AGK: variants seen among roughly 807,000 people sequenced by gnomAD.
The protein encoded by AGK is acylglycerol kinase.
AGK carries 52 observed loss-of-function variants against 66.4 expected under a neutral mutation model. The ratio of observed to expected loss-of-function variants is 0.78; its 90% CI spans 0.63 to 0.99. The LOEUF (loss-of-function observed/expected upper bound fraction) is 0.99. Among genes scored for constraint, AGK ranks in the 50% least tolerant of loss-of-function variants. The probability of loss-of-function intolerance (pLI) is 0.00; values close to 1 mark genes in which losing one functional copy is unlikely to be tolerated. For synonymous variants in AGK, 182 were observed against 181.1 expected (o/e 1.00, Z -0.04); for missense variants, 451 against 506.6 (o/e 0.89, Z 1.05).
At chr7:141,648,600 T>C (rs1797473281) in intron 13 of AGK, among the ~76,000 whole-genome samples, 1 of 152,178 alleles carries the variant, frequency 6.6e-6, no homozygotes, top group Non-Finnish European at 1.5e-5. Flanking sequence ...GTGGGATTGA[T>C]TTACAGAGGG....
At chr7:141,608,395 G>A (rs1302786942) in intron 5 of AGK, among the ~76,000 whole-genome samples, 1 of 152,124 alleles carries the variant, frequency 6.6e-6, no homozygotes, top group Non-Finnish European at 1.5e-5. Context: ...ACAGTATCAC[G>A]AGCTGTGATA....
chr7:141,572,443 A>T (rs1795625691), intron 2 of AGK, among the ~76,000 whole-genome samples: 1 of 152,204 alleles, frequency 6.6e-6, no homozygotes, highest in Admixed American at 6.5e-5. Flanking sequence ...CTTACTAGCT[A>T]TGTGGCCTTT....
Position 141,555,539 on chromosome 7 carries a change from G to T in AGK, c.73G>T (p.Gly25Ter). ...AGCTGGGCTCTGCCTGCTGACCTGGGGAGGCCATTGGCTCTATGGAAAACA... is the reference window on the plus strand; with the variant it reads ...AGCTGGGCTCTGCCTGCTGACCTGGTGAGGCCATTGGCTCTATGGAAAACA... ...TTAGLCLLTW[G>*]GHWLYGKHCD... Residue 25 changes from glycine (G) to a stop codon, truncating the protein, a stop_gained, in exon 2 of 16, where the codon GGA (glycine) becomes TGA (stop). Coordinates refer to ENST00000649286, the MANE Select transcript of AGK (RefSeq NM_018238.4). LOFTEE classifies it high-confidence loss of function. This position sits in a 1 kb window ranked among gnomAD's most constrained non-coding sequence, Gnocchi z 4.2. 6.2e-7 allele frequency: 1 copy of T among 1,613,992 alleles called. No individual in the cohort carries two copies. The highest frequency in any genetic ancestry group is 2.2e-5 in the East Asian group (1 of 44,870).
intron 13 of AGK, 97 bp downstream of exon 13, chr7:141,642,005 C>G: frequency 9.0e-7 from 1 of 1,105,394 alleles, no homozygotes; most frequent in Non-Finnish European, 1.3e-6. Context: ...TTATTTTTAC[C>G]CTGTGGAGAT....
intron 2 of AGK, among the ~76,000 whole-genome samples, chr7:141,573,169 ATTG>A (rs1795649825): frequency 6.6e-6 from 1 of 152,172 alleles, no homozygotes; most frequent in Non-Finnish European, 1.5e-5. Context: ...TGATGCTGAA[ATTG>A]GGGTATTAAT....
chr7:141,589,273 T>C (rs1397621239), intron 2 of AGK, among the ~76,000 whole-genome samples: 13 of 152,192 alleles, frequency 8.5e-5, no homozygotes, highest in Non-Finnish European at 1.5e-4. Flanking sequence ...TGCAAGGTTG[T>C]TACAAAGATT....
chr7:141,565,477 C>T (rs1385742753), intron 2 of AGK, among the ~76,000 whole-genome samples: 1 of 151,958 alleles, frequency 6.6e-6, no homozygotes, highest in African/African-American at 2.4e-5. Context: ...ATGGCAAAAC[C>T]CTATCTCTAC....
In AGK at chr7:141,615,537, C is replaced by G; in HGVS notation, c.490C>G (p.Leu164Val). The part of the protein sequence containing the change: ...LGETSSLSHT[L>V]FAESGNKVQH... ...AGAGACCAGTAGTTTGAGTCATACC[C>G]TCTTTGCCGAAAGTGGAAACAAAGT... The change falls in exon 8 of 16, where the codon CTC (leucine) becomes GTC (valine). Residue 164 changes from leucine (L) to valine (V), a missense_variant. By Grantham distance (32) the Leu-to-Val change is conservative (BLOSUM62 1). Coordinates refer to ENST00000649286, the MANE Select transcript of AGK (RefSeq NM_018238.4). 1 of 1,613,948 alleles carries G rather than the reference C, an allele frequency of 6.2e-7. No individual in the cohort carries two copies. The highest frequency in any genetic ancestry group is 2.2e-5 in the East Asian group (1 of 44,870).
At chr7:141,617,055 T>G (rs1267083509) in intron 8 of AGK, among the ~76,000 whole-genome samples, 1 of 152,154 alleles carries the variant, frequency 6.6e-6, no homozygotes, top group Non-Finnish European at 1.5e-5. Context: ...CGGTTTAGAA[T>G]TTCTGAGGGG....
chr7:141,578,347 T>C (rs1393537745), intron 2 of AGK, among the ~76,000 whole-genome samples: 2 of 151,958 alleles, frequency 1.3e-5, no homozygotes, highest in African/African-American at 4.8e-5. Context: ...CAAGGTAATG[T>C]CATCAGTTAA....
At chr7:141,639,140 T>C (rs934053946) in intron 11 of AGK, among the ~76,000 whole-genome samples, 8 of 152,284 alleles carry the variant, frequency 5.3e-5, no homozygotes, top group African/African-American at 1.9e-4. Flanking sequence ...AGACTTTAAA[T>C]ATACAGACAA....
intron 9 of AGK, among the ~76,000 whole-genome samples, chr7:141,624,815 G>A (rs1796901587): frequency 6.6e-6 from 1 of 152,212 alleles, no homozygotes; most frequent in African/African-American, 2.4e-5. Context: ...AGCATTGGCA[G>A]GGATTGAGAA....
chr7:141,593,137 C>T lies in AGK; in HGVS notation c.102-9C>T, dbSNP rs1796158141. 1.9e-6 allele frequency: 3 copies of T among 1,609,616 alleles called. No individual in the cohort carries two copies. In the African/African-American group the frequency reaches 4.0e-5, roughly 22 times the overall value. On this transcript the variant is annotated splice_polypyrimidine_tract_variant and intron_variant, in intron 2 of 15. Coordinates refer to ENST00000649286, the MANE Select transcript of AGK (RefSeq NM_018238.4). Reference sequence around the variant, plus strand: ...GCTAATGATTATTCTCTTTTGCTTACTTTGATAGTGATAACCTCCTAAGGA... The same window carrying T: ...GCTAATGATTATTCTCTTTTGCTTATTTTGATAGTGATAACCTCCTAAGGA...
Position 141,652,901 on chromosome 7 carries a change from A to G in AGK, c.1246A>G (p.Met416Val), listed in dbSNP as rs1562988773. 6.2e-7 allele frequency: 1 copy of G among 1,614,048 alleles called. No individual in the cohort carries two copies. The highest frequency in any genetic ancestry group is 8.5e-7 in the Non-Finnish European group (1 of 1,180,008). ...CTGTGATCCTAGGAAGAGAGAACAG[A>G]TGCTCACAAGCCCCACCCAGTGAGC... is the stretch of plus-strand genomic sequence containing the variant. Reference protein sequence around the residue: ...FFCDPRKREQMLTSPTQ With the variant: ...FFCDPRKREQVLTSPTQ The change falls in exon 16 of 16, where the codon ATG becomes GTG. Residue 416 changes from methionine to valine, a missense_variant. Physicochemically the swap from Met to Val is conservative, Grantham distance 21. Coordinates refer to ENST00000649286, the MANE Select transcript of AGK (RefSeq NM_018238.4).
chr7:141,604,483 A>G (rs1796413316), intron 5 of AGK, among the ~76,000 whole-genome samples: 1 of 150,186 alleles, frequency 6.7e-6, no homozygotes, highest in South Asian at 2.1e-4. Context: ...CTTTATCTCT[A>G]AATATCTATA....
At chr7:141,588,578 T>C (rs1242854940) in intron 2 of AGK, among the ~76,000 whole-genome samples, 1 of 150,416 alleles carries the variant, frequency 6.6e-6, no homozygotes, top group African/African-American at 2.5e-5. Flanking sequence ...ACAGCGCCAC[T>C]GCACTCCAGC....
intron 9 of AGK, among the ~76,000 whole-genome samples, chr7:141,631,436 C>G (rs1263916115): frequency 6.6e-6 from 1 of 152,122 alleles, no homozygotes; most frequent in Non-Finnish European, 1.5e-5. Flanking sequence ...ATGTAACATT[C>G]CTAAGAAATA....
intron 9 of AGK, among the ~76,000 whole-genome samples, chr7:141,633,421 C>T (rs892679400): frequency 8.1e-5 from 12 of 148,158 alleles, no homozygotes; most frequent in African/African-American, 1.9e-4. Flanking sequence ...CTTTTTATTT[C>T]GACTTTTTGT....
chr7:141,609,051 T>C (rs1796521564), intron 5 of AGK, among the ~76,000 whole-genome samples: 1 of 152,220 alleles, frequency 6.6e-6, no homozygotes, highest in Non-Finnish European at 1.5e-5. Context: ...CATAATTTTA[T>C]TTTTAGAATA....
Sources: gnomAD v4.1 joint callset for allele counts (sites outside exome capture counted in the v4.1 genomes callset) on GRCh38, gnomAD v4.1.1 for gene constraint, Gnocchi (gnomAD v3.1) non-coding constraint, MANE v1.5 for transcripts, NCBI Gene and HGNC (gene_info 2026-07-23, HGNC 2026-07-21) for gene names.